CLVS1: variants seen among roughly 807,000 people sequenced by gnomAD.
CLVS1 encodes the protein clavesin 1.
Under a neutral mutation model 33.1 loss-of-function variants are expected in CLVS1, and 10 were observed. The observed-to-expected ratio is 0.30, with a 90% CI of 0.19 to 0.51. CLVS1 has a LOEUF of 0.51. Ranked by LOEUF, CLVS1 falls within the 20% of genes least tolerant of loss-of-function variation. The pLI is 0.97. For synonymous variants in CLVS1, 163 were observed against 166.1 expected (o/e 0.98, Z 0.14); for missense variants, 343 against 433.4 (o/e 0.79, Z 1.85).
intron 2 of CLVS1, chr8:61,202,291 G>T: frequency 1.6e-6 from 1 of 623,332 alleles, no homozygotes; most frequent in South Asian, 1.8e-5. Context: ...CTGTTCTCTG[G>T]AGCAGCATTC....
chr8:61,029,364 C>G, the CLVS1 span, among the ~76,000 whole-genome samples: 1 of 152,150 alleles, frequency 6.6e-6, no homozygotes, highest in Non-Finnish European at 1.5e-5. Context: ...ACTGGGTCAA[C>G]TGTGGGAGAA....
At chr8:61,262,298 G>C (rs1358635067) in intron 2 of CLVS1, among the ~76,000 whole-genome samples, 1 of 152,128 alleles carries the variant, frequency 6.6e-6, no homozygotes, top group East Asian at 1.9e-4. Flanking sequence ...TTACAGATGT[G>C]AGTGATTGTG....
the CLVS1 span, among the ~76,000 whole-genome samples, chr8:60,998,680 G>A: frequency 6.6e-6 from 1 of 152,194 alleles, no homozygotes; most frequent in Non-Finnish European, 1.5e-5. Flanking sequence ...CGGGTCTTTG[G>A]AGGGGAATAA....
In CLVS1 at chr8:61,500,685, C is replaced by CAA. The variant is rs576789401; in HGVS notation, c.*1144_*1145dup. On this transcript the variant is annotated 3_prime_UTR_variant, in exon 6 of 6. Transcript: ENST00000325897. ...ATATCCTTACTTGTGCCATGTTTTCCAAGACCAGTGCATATTTTTAGACAT... is the reference window on the plus strand; with the variant it reads ...ATATCCTTACTTGTGCCATGTTTTCCAAAAGACCAGTGCATATTTTTAGACAT... The CAA allele has an allele frequency of 1.3e-5, 2 of 152,142 alleles. No homozygotes were observed. Among genetic ancestry groups the CAA allele is most frequent in the Non-Finnish European group, 2.9e-5 (2 of 68,032 alleles). 9.4% of individuals were successfully genotyped at this position (152,142 alleles called of 1,614,324 possible).
At chr8:61,342,112 C>T (rs1347843841) in intron 2 of CLVS1, among the ~76,000 whole-genome samples, 3 of 152,180 alleles carry the variant, frequency 2.0e-5, no homozygotes, top group African/African-American at 4.8e-5. Context: ...TGTGGTAAAG[C>T]GGGTGACTCT....
At chr8:61,005,376 CT>C in the CLVS1 span, among the ~76,000 whole-genome samples, 98 of 143,520 alleles carry the variant, frequency 6.8e-4, no homozygotes, top group Middle Eastern at 3.6e-3. Flanking sequence ...AACAGGGTGG[CT>C]TTTTTTTTTT....
At chr8:61,184,899 TA>T (rs1181581962) in intron 2 of CLVS1, among the ~76,000 whole-genome samples, 6 of 152,230 alleles carry the variant, frequency 3.9e-5, no homozygotes, top group African/African-American at 1.4e-4. Context: ...CTGATAAAAT[TA>T]ATATGCATTC....
At chr8:61,240,229 A>G (rs954987764) in intron 2 of CLVS1, among the ~76,000 whole-genome samples, 2 of 152,202 alleles carry the variant, frequency 1.3e-5, no homozygotes, top group African/African-American at 4.8e-5. Context: ...AACTCCCTGC[A>G]TGCATCACTA....
At chr8:61,287,289 C>A (rs1443209827), upstream of CLVS1, among the ~76,000 whole-genome samples, 2 of 152,108 alleles carry the variant, frequency 1.3e-5, no homozygotes, top group Non-Finnish European at 2.9e-5. Context: ...TTATGCATCC[C>A]CATTTCTTCT....
intron 5 of CLVS1, among the ~76,000 whole-genome samples, chr8:61,468,735 A>AAAAAAAAAAAAAAAAG (rs1217287345): frequency 9.4e-5 from 13 of 138,732 alleles, no homozygotes; most frequent in African/African-American, 3.7e-4. Context: ...AAAAAAAAAA[A>AAAAAAAAAAAAAAAAG]AAAAGGTAGT....
intron 2 of CLVS1, among the ~76,000 whole-genome samples, chr8:61,263,307 A>T (rs879921931): frequency 2.0e-5 from 3 of 152,242 alleles, no homozygotes; most frequent in Non-Finnish European, 4.4e-5. Flanking sequence ...AATTATTTGT[A>T]ATAACACAAA....
intron 3 of CLVS1, among the ~76,000 whole-genome samples, chr8:61,404,768 C>T (rs1025954627): frequency 6.6e-6 from 1 of 152,180 alleles, no homozygotes; most frequent in Non-Finnish European, 1.5e-5. Context: ...TCTCTTACTG[C>T]ACCTTAGGTA....
At chr8:61,272,066 T>C (rs1421267946) in intron 2 of CLVS1, among the ~76,000 whole-genome samples, 1 of 151,700 alleles carries the variant, frequency 6.6e-6, no homozygotes, top group African/African-American at 2.4e-5. Context: ...TGCTCGTTAG[T>C]TGATGCAGTT....
chr8:61,223,069 G>A (rs929468077), intron 2 of CLVS1, among the ~76,000 whole-genome samples: 1 of 151,028 alleles, frequency 6.6e-6, no homozygotes, highest in Non-Finnish European at 1.5e-5. Flanking sequence ...GCCTGTGTGT[G>A]TCTTTGCACA....
intron 1 of CLVS1, among the ~76,000 whole-genome samples, chr8:61,288,518 T>G (rs938105008): frequency 6.6e-6 from 1 of 151,900 alleles, no homozygotes; most frequent in Non-Finnish European, 1.5e-5. Context: ...AAAGTTCAGG[T>G]GAACAAACCC....
intron 1 of CLVS1, among the ~76,000 whole-genome samples, chr8:61,288,856 A>C (rs1305598884): frequency 2.0e-5 from 3 of 152,196 alleles, no homozygotes; most frequent in Non-Finnish European, 4.4e-5. Context: ...TCCAGAATTA[A>C]GTTTTTTCTT....
chr8:61,407,991 C>T (rs969612077), intron 3 of CLVS1, among the ~76,000 whole-genome samples: 1 of 152,140 alleles, frequency 6.6e-6, no homozygotes, highest in East Asian at 1.9e-4. Context: ...AGATCTGAGC[C>T]CTGATATTCC....
intron 2 of CLVS1, among the ~76,000 whole-genome samples, chr8:61,166,030 C>G (rs1416441425): frequency 5.6e-4 from 19 of 33,926 alleles, no homozygotes; most frequent in Non-Finnish European, 1.0e-3. Flanking sequence ...AGCATCTAAG[C>G]GTTTTTTTTT....
intron 1 of CLVS1, among the ~76,000 whole-genome samples, chr8:61,065,117 G>A (rs578044951): frequency 2.0e-5 from 3 of 152,284 alleles, no homozygotes; most frequent in South Asian, 2.1e-4. Context: ...CAGGACACCC[G>A]CAAGGATACT....
Sources: gnomAD v4.1 joint callset for allele counts (sites outside exome capture counted in the v4.1 genomes callset) on GRCh38, gnomAD v4.1.1 for gene constraint, MANE v1.5 for transcripts, NCBI Gene and HGNC (gene_info 2026-07-23, HGNC 2026-07-21) for gene names.